The following GOT1 variants were observed in gnomAD, a reference collection of about 807,000 sequenced individuals.
GOT1 encodes the protein aspartate aminotransferase, cytoplasmic.
Under a neutral mutation model 48.2 loss-of-function variants are expected in GOT1, and 25 were observed. That is an observed-to-expected ratio of 0.52 (90% CI 0.38 to 0.72). GOT1 has a LOEUF of 0.72. Ranked by LOEUF, GOT1 falls within the 30% of genes least tolerant of loss-of-function variation. GOT1 has a pLI of 0.00. For synonymous variants in GOT1, 188 were observed against 193.8 expected (o/e 0.97, Z 0.25); for missense variants, 380 against 520.1 (o/e 0.73, Z 2.62).
intron 2 of GOT1, among the ~76,000 whole-genome samples, chr10:99,414,465 A>T (rs1438972743): frequency 6.6e-6 from 1 of 152,196 alleles, no homozygotes; most frequent in Non-Finnish European, 1.5e-5. Flanking sequence ...CTACAAAGGG[A>T]CTGAGACTCC....
rs772511514 is a variant in GOT1 at position 99,430,572 on chromosome 10, A to G, written c.-7T>C. The G allele has an allele frequency of 8.2e-6, 13 of 1,586,156 alleles. No individual in the cohort carries two copies. The highest frequency in any genetic ancestry group is 1.1e-5 in the Non-Finnish European group (13 of 1,164,140). ...AGACTGACGGAGGTGCCATATCGAG[A>G]GACTAGGAATCAAGAGATTTCACCC... On this transcript the variant is annotated 5_prime_UTR_variant, in exon 1 of 9. Coordinates refer to ENST00000370508, the MANE Select transcript of GOT1 (RefSeq NM_002079.3).
intron 2 of GOT1, among the ~76,000 whole-genome samples, chr10:99,417,465 C>A (rs1289834035): frequency 6.6e-6 from 1 of 152,176 alleles, no homozygotes; most frequent in East Asian, 1.9e-4. Flanking sequence ...AATAGGAACA[C>A]TTTTACACTG....
intron 2 of GOT1, among the ~76,000 whole-genome samples, chr10:99,416,536 C>T (rs915607594): frequency 6.6e-6 from 1 of 152,208 alleles, no homozygotes; most frequent in Non-Finnish European, 1.5e-5. Context: ...TTTATAGATT[C>T]AATGCCATCC....
chr10:99,425,258 G>C (rs142945344), intron 1 of GOT1, among the ~76,000 whole-genome samples: 105 of 152,342 alleles, frequency 6.9e-4, no homozygotes, highest in African/African-American at 2.3e-3. Flanking sequence ...GGTCTTTGAG[G>C]ATCTGCATTT....
chr10:99,400,499 A>G (rs2032658773), intron 8 of GOT1, among the ~76,000 whole-genome samples: 1 of 152,018 alleles, frequency 6.6e-6, no homozygotes, highest in Admixed American at 6.6e-5. Flanking sequence ...TTAGCCGGGC[A>G]TGGTGGTTCA....
At chr10:99,429,329 T>C (rs1398809752) in intron 1 of GOT1, among the ~76,000 whole-genome samples, 1 of 150,898 alleles carries the variant, frequency 6.6e-6, no homozygotes, top group Non-Finnish European at 1.5e-5. Flanking sequence ...ATTACAGGCC[T>C]GAGCCACCGC....
chr10:99,428,173 T>A (rs1398923460), intron 1 of GOT1, among the ~76,000 whole-genome samples: 1 of 152,210 alleles, frequency 6.6e-6, no homozygotes, highest in Non-Finnish European at 1.5e-5. Context: ...ATATCTTTTA[T>A]GAGAATCACT....
chr10:99,404,751 G>T (rs1037402216), intron 5 of GOT1, among the ~76,000 whole-genome samples: 2 of 152,040 alleles, frequency 1.3e-5, no homozygotes, highest in Non-Finnish European at 2.9e-5. Flanking sequence ...GCTCCGCACT[G>T]CCCTGAGAAT....
chr10:99,409,622 C>A (rs1029040871), intron 2 of GOT1, among the ~76,000 whole-genome samples: 1 of 152,106 alleles, frequency 6.6e-6, no homozygotes, highest in Admixed American at 6.6e-5. Flanking sequence ...ATTAAAATTA[C>A]CCCCTTGATT....
At chr10:99,413,644 T>C (rs2032855912) in intron 2 of GOT1, among the ~76,000 whole-genome samples, 1 of 152,092 alleles carries the variant, frequency 6.6e-6, no homozygotes, top group Admixed American at 6.6e-5. Flanking sequence ...ATTGTCAGAT[T>C]CACCAAAGTT....
At chr10:99,422,985 T>C (rs573952730) in intron 1 of GOT1, among the ~76,000 whole-genome samples, 35 of 152,320 alleles carry the variant, frequency 2.3e-4, no homozygotes, top group African/African-American at 8.2e-4. Context: ...TGTATGCAAA[T>C]ATATCTGTAA....
chr10:99,418,229 A>T (rs2032922858), intron 2 of GOT1, among the ~76,000 whole-genome samples: 1 of 151,958 alleles, frequency 6.6e-6, no homozygotes, highest in East Asian at 1.9e-4. Context: ...AAAACAGGAG[A>T]AACTAGATTA....
intron 8 of GOT1, among the ~76,000 whole-genome samples, chr10:99,400,588 G>T (rs1434836123): frequency 1.3e-5 from 2 of 151,920 alleles, no homozygotes; most frequent in African/African-American, 4.8e-5. Flanking sequence ...AGTGGCCCGA[G>T]ATTGCACCGC....
intron 5 of GOT1, among the ~76,000 whole-genome samples, chr10:99,405,216 T>C (rs532065391): frequency 2.0e-5 from 3 of 152,222 alleles, no homozygotes; most frequent in East Asian, 3.9e-4. Flanking sequence ...AGGAAGAATA[T>C]ACACACTTTC....
At chr10:99,422,262 T>C (rs2032980405) in intron 1 of GOT1, among the ~76,000 whole-genome samples, 1 of 152,198 alleles carries the variant, frequency 6.6e-6, no homozygotes, top group South Asian at 2.1e-4. Flanking sequence ...TCCTCCATGA[T>C]TGTAAGTTTC....
At chr10:99,416,782 A>G (rs2032900773) in intron 2 of GOT1, among the ~76,000 whole-genome samples, 2 of 152,222 alleles carry the variant, frequency 1.3e-5, no homozygotes, top group Non-Finnish European at 2.9e-5. Flanking sequence ...CCACACATCT[A>G]CAATTATCTG....
chr10:99,415,268 C>T (rs1267249764), intron 2 of GOT1, among the ~76,000 whole-genome samples: 12 of 151,996 alleles, frequency 7.9e-5, no homozygotes, highest in African/African-American at 2.4e-4. Context: ...ATATCACCAC[C>T]GATCCCACAG....
chr10:99,411,773 C>G (rs1172977324), intron 2 of GOT1, among the ~76,000 whole-genome samples: 2 of 152,138 alleles, frequency 1.3e-5, no homozygotes, highest in Non-Finnish European at 2.9e-5. Context: ...TAGTAGTGGG[C>G]ATCTGATGAC....
intron 1 of GOT1, among the ~76,000 whole-genome samples, chr10:99,421,134 A>G (rs1207883773): frequency 6.6e-6 from 1 of 152,240 alleles, no homozygotes; most frequent in Non-Finnish European, 1.5e-5. Flanking sequence ...AGCACTCTGC[A>G]AAGTAAAAAG....
Sources: gnomAD v4.1 joint callset for allele counts (sites outside exome capture counted in the v4.1 genomes callset) on GRCh38, gnomAD v4.1.1 for gene constraint, MANE v1.5 for transcripts, NCBI Gene and HGNC (gene_info 2026-07-23, HGNC 2026-07-21) for gene names.